SUZ12: variants seen among roughly 807,000 people sequenced by gnomAD.
The protein encoded by SUZ12 is polycomb protein SUZ12.
A neutral mutation model predicts 87.3 loss-of-function variants in SUZ12; 17 were observed. The ratio of observed to expected loss-of-function variants is 0.19; its 90% CI spans 0.13 to 0.29. The LOEUF is 0.29. Ranked by LOEUF, SUZ12 falls within the 10% of genes least tolerant of loss-of-function variation. SUZ12 has a pLI of 1.00. For missense variants in SUZ12, 526 were observed against 912.2 expected (o/e 0.58, Z 5.45); for synonymous variants, 253 against 312.4 (o/e 0.81, Z 2.01).
At chr17:31,987,057 GTTTT>G (rs1317452014) in intron 9 of SUZ12, among the ~76,000 whole-genome samples, 1 of 144,430 alleles carries the variant, frequency 6.9e-6, no homozygotes, top group Non-Finnish European at 1.5e-5. Context: ...AGGTTTTTTT[GTTTT>G]TTTGTTTTTT....
chr17:32,000,871 T>C lies in SUZ12; in HGVS notation c.*1868T>C, dbSNP rs1275013740. On this transcript the variant is annotated 3_prime_UTR_variant, in exon 16 of 16. Transcript: ENST00000322652. ...TATTTATAAAAAAAGTGCTTTTCTA[T>C]ATGTACCCTTGATAACAGATTTTGA... The C allele has an allele frequency of 4.5e-6, 1 of 222,582 alleles. No individual in the cohort carries two copies. The highest frequency in any genetic ancestry group is 9.0e-6 in the Non-Finnish European group (1 of 111,316). 13.8% of individuals were successfully genotyped at this position (222,582 alleles called of 1,614,324 possible).
At position 31,937,385 on chromosome 17, in the gene SUZ12, G is replaced by A. The variant is rs1905998011; in HGVS notation, c.139G>A (p.Gly47Arg). 1 of 1,528,808 alleles carries A rather than the reference G, an allele frequency of 6.5e-7. No homozygotes were observed. The highest frequency in any genetic ancestry group is 1.2e-5 in the South Asian group (1 of 82,570). The allele number at this position is 1,528,808 out of a possible 1,614,324, so 94.7% of individuals were successfully genotyped here. A position where few individuals can be genotyped will look rare whatever the true frequency, so the allele number is the denominator to read the frequency against. The change falls in exon 1 of 16, where the codon GGA becomes AGA. Residue 47 changes from glycine to arginine, a missense_variant. By Grantham distance (125) the Gly-to-Arg change is moderately radical. Around this residue, in one of 9 missense-constraint regions of SUZ12, gnomAD observed 92 missense variants for 109.9 expected, o/e 0.84. Transcript: ENST00000322652. ...CGGCAAATCCGGCGGCGGGAGCTGT[G>A]GAGGGGGTGGCAGTTACTCGGCCTC... The part of the protein sequence containing the change: ...SGGKSGGGSC[G>R]GGGSYSASSS...
chr17:31,958,331 C>T (rs1435917748), intron 4 of SUZ12, among the ~76,000 whole-genome samples: 2 of 152,180 alleles, frequency 1.3e-5, no homozygotes, highest in South Asian at 2.1e-4. Flanking sequence ...CCACTGCATC[C>T]GACCTATTAA....
chr17:31,960,651 C>T (rs1907650823), intron 4 of SUZ12, among the ~76,000 whole-genome samples: 1 of 152,104 alleles, frequency 6.6e-6, no homozygotes, highest in Non-Finnish European at 1.5e-5. Context: ...GATCTTGGCT[C>T]ACTGCAACGT....
chr17:31,974,509 T>G (rs1414112150), intron 6 of SUZ12, among the ~76,000 whole-genome samples: 1 of 152,180 alleles, frequency 6.6e-6, no homozygotes, highest in East Asian at 1.9e-4. Flanking sequence ...CCTTTATCAC[T>G]TCTTACTCCT....
In SUZ12 at chr17:31,953,660, G is replaced by A. The variant is rs1049345157; in HGVS notation, c.455+5975G>A. ...TATCCTCAAGTGATCCTCCCACCTC[G>A]ACATCCTGAAGTGCTGAGATTACAG... On this transcript the variant is annotated intron_variant, in intron 4 of 15. Coordinates refer to ENST00000322652, the MANE Select transcript of SUZ12 (RefSeq NM_015355.4). Among the ~76,000 whole-genome samples the A allele has an allele frequency of 4.7e-5, 7 of 150,452 alleles. No homozygotes were observed. The South Asian group carries it at 1.3e-3, about 27-fold the overall frequency.
chr17:31,972,802 G>A (rs1410627226), intron 5 of SUZ12, among the ~76,000 whole-genome samples: 1 of 150,048 alleles, frequency 6.7e-6, no homozygotes, highest in African/African-American at 2.5e-5. Flanking sequence ...TGATGTGTGA[G>A]GATCACTTGA....
chr17:31,986,750 C>A (rs528970341), intron 9 of SUZ12, among the ~76,000 whole-genome samples: 1 of 152,198 alleles, frequency 6.6e-6, no homozygotes, highest in Non-Finnish European at 1.5e-5. Flanking sequence ...CGGGGTTTCA[C>A]CATGTTGTCC....
At chr17:31,992,482 T>C (rs1909769710) in intron 10 of SUZ12, among the ~76,000 whole-genome samples, 1 of 151,902 alleles carries the variant, frequency 6.6e-6, no homozygotes, top group Non-Finnish European at 1.5e-5. Context: ...CGATCTCAGC[T>C]CACTGCAAGC....
intron 5 of SUZ12, among the ~76,000 whole-genome samples, chr17:31,970,945 A>T (rs2142169931): frequency 6.6e-6 from 1 of 152,368 alleles, no homozygotes; most frequent in African/African-American, 2.4e-5. Context: ...ATATTCAGTT[A>T]TGAACTGTTA....
At chr17:31,943,766 T>G (rs1213665185) in intron 3 of SUZ12, among the ~76,000 whole-genome samples, 1 of 151,950 alleles carries the variant, frequency 6.6e-6, no homozygotes, top group East Asian at 1.9e-4. Flanking sequence ...CGTGGCGCAA[T>G]TTCGGCTCAC....
At chr17:31,958,538 C>T (rs567943848) in intron 4 of SUZ12, among the ~76,000 whole-genome samples, 2 of 150,776 alleles carry the variant, frequency 1.3e-5, no homozygotes, top group Non-Finnish European at 3.0e-5. Flanking sequence ...GGTAAAAACC[C>T]CATCTCTACT....
chr17:32,000,054 A>G lies in SUZ12; in HGVS notation c.*1051A>G, dbSNP rs1160942848. On this transcript the variant is annotated 3_prime_UTR_variant, in exon 16 of 16. Coordinates refer to ENST00000322652, the MANE Select transcript of SUZ12 (RefSeq NM_015355.4). Reference sequence around the variant, plus strand: ...GCCCTGTGTTATATGTGTTTCACGCACATATTTGCAGTTGGATTTTCTCCA... The same window carrying G: ...GCCCTGTGTTATATGTGTTTCACGCGCATATTTGCAGTTGGATTTTCTCCA... 4 of 232,904 alleles carry G rather than the reference A, an allele frequency of 1.7e-5. No homozygotes were observed. The highest frequency in any genetic ancestry group is 3.4e-5 in the Non-Finnish European group (4 of 117,886). The allele number at this position is 232,904 out of a possible 1,614,324, so 14.4% of individuals were successfully genotyped here. A position where few individuals can be genotyped will look rare whatever the true frequency, so the allele number is the denominator to read the frequency against.
At chr17:31,954,887 T>C (rs1369166107) in intron 4 of SUZ12, among the ~76,000 whole-genome samples, 1 of 152,180 alleles carries the variant, frequency 6.6e-6, no homozygotes, top group African/African-American at 2.4e-5. Context: ...GAGAGTGGTA[T>C]GAGAAGAAGC....
chr17:31,937,091 C>T lies in SUZ12; in HGVS notation c.-156C>T, dbSNP rs1905968519. Reference sequence around the variant, plus strand: ...CTTTTTTTTTCCTCCCTCCTTCCCTCCTCTCCTCCTCCCTTCCCTTCCCCT... The same window carrying T: ...CTTTTTTTTTCCTCCCTCCTTCCCTTCTCTCCTCCTCCCTTCCCTTCCCCT... On this transcript the variant is annotated 5_prime_UTR_variant, in exon 1 of 16. Coordinates refer to ENST00000322652, the MANE Select transcript of SUZ12 (RefSeq NM_015355.4). 1.2e-5 allele frequency: 7 copies of T among 604,548 alleles called. No individual in the cohort carries two copies. The South Asian group carries it at 1.2e-4, about 10-fold the overall frequency. The allele number at this position is 604,548 out of a possible 1,614,324, so 37.4% of individuals were successfully genotyped here.
At chr17:31,975,789 C>G in intron 7 of SUZ12, 76 bp downstream of exon 7, 1 of 1,157,480 alleles carries the variant, frequency 8.6e-7, no homozygotes, top group Non-Finnish European at 1.2e-6. Flanking sequence ...AGTGTTCCTT[C>G]ATGATAGTCA....
chr17:31,970,456 C>T (rs539502153), intron 5 of SUZ12, among the ~76,000 whole-genome samples: 16 of 152,070 alleles, frequency 1.1e-4, no homozygotes, highest in South Asian at 8.3e-4. Flanking sequence ...GGTGAAGCCC[C>T]GTCTCTACTG....
chr17:31,942,019 A>T (rs2142120126), intron 3 of SUZ12, among the ~76,000 whole-genome samples: 1 of 151,698 alleles, frequency 6.6e-6, no homozygotes, highest in East Asian at 1.9e-4. Flanking sequence ...CACCCAGCTG[A>T]TTTTTTGTAT....
At chr17:31,970,477 A>G (rs1908360826) in intron 5 of SUZ12, among the ~76,000 whole-genome samples, 2 of 151,946 alleles carry the variant, frequency 1.3e-5, no homozygotes, top group South Asian at 2.1e-4. Flanking sequence ...AAAATAACCA[A>G]ATTAGCTGGG....
Sources: gnomAD v4.1 joint callset for allele counts (sites outside exome capture counted in the v4.1 genomes callset) on GRCh38, gnomAD v4.1.1 for gene constraint, gnomAD v4.1.1 regional missense constraint, MANE v1.5 for transcripts, NCBI Gene and HGNC (gene_info 2026-07-23, HGNC 2026-07-21) for gene names.